TAFA1: variants seen among roughly 807,000 people sequenced by gnomAD.
TAFA1 encodes TAFA chemokine like family member 1.
A neutral mutation model predicts 18.5 loss-of-function variants in TAFA1; 4 were observed. That is an observed-to-expected ratio of 0.22 (90% CI 0.11 to 0.49). TAFA1 has a LOEUF of 0.49. TAFA1 is among the 20% of genes least tolerant of loss of function. The pLI, the probability that TAFA1 is intolerant of heterozygous loss-of-function variation, is 0.98. For missense variants in TAFA1, 147 were observed against 169.0 expected (o/e 0.87, Z 0.72); for synonymous variants, 56 against 55.2 (o/e 1.01, Z -0.06).
chr3:68,452,522 C>CA (rs10663334), intron 3 of TAFA1, among the ~76,000 whole-genome samples: 44,717 of 113,232 alleles, frequency 0.39, 9,147 homozygotes, highest in Middle Eastern at 0.44. Context: ...AACTCTCTCT[C>CA]AAAAAAAAAA....
intron 3 of TAFA1, among the ~76,000 whole-genome samples, chr3:68,436,508 T>TA (rs1198690509): frequency 6.6e-6 from 1 of 152,000 alleles, no homozygotes; most frequent in Admixed American, 6.6e-5. Flanking sequence ...GAGTAATAGG[T>TA]AAAAAACTTA....
chr3:68,377,881 T>C (rs904716701), intron 2 of TAFA1, among the ~76,000 whole-genome samples: 2 of 152,192 alleles, frequency 1.3e-5, no homozygotes, highest in African/African-American at 4.8e-5. Context: ...ACTCGGCCTG[T>C]TGCTTCAGAG....
chr3:68,333,385 A>C (rs2068914442), intron 2 of TAFA1, among the ~76,000 whole-genome samples: 1 of 152,210 alleles, frequency 6.6e-6, no homozygotes, highest in Non-Finnish European at 1.5e-5. Context: ...TAACACAGAA[A>C]CAGAAAACCA....
intron 2 of TAFA1, among the ~76,000 whole-genome samples, chr3:68,383,103 C>A (rs114839731): frequency 8.1e-4 from 123 of 152,258 alleles, no homozygotes; most frequent in Non-Finnish European, 1.6e-3. Context: ...AGCCTTTGGG[C>A]TGAGACTATA....
intron 2 of TAFA1, among the ~76,000 whole-genome samples, chr3:68,270,489 T>A (rs1056421130): frequency 6.6e-6 from 1 of 152,194 alleles, no homozygotes; most frequent in Admixed American, 6.5e-5. Flanking sequence ...ATGTGAAGAC[T>A]CATTGATGTT....
rs540948024 is a variant in TAFA1 at position 68,025,944 on chromosome 3, G to A, written c.118+19200G>A. Among the ~76,000 whole-genome samples, 18 of 152,290 alleles carry A rather than the reference G, an allele frequency of 1.2e-4. No homozygotes were observed. The East Asian group carries it at 3.3e-3, about 28-fold the overall frequency. On this transcript the variant is annotated intron_variant, in intron 2 of 4. Transcript: ENST00000478136. Reference sequence around the variant, plus strand: ...CTTGTCTCCCTCCACAGGAATGTAAGTTCCACGAAGGCAGGGATTGTCATC... The same window carrying A: ...CTTGTCTCCCTCCACAGGAATGTAAATTCCACGAAGGCAGGGATTGTCATC...
chr3:68,481,758 A>C lies in TAFA1; in HGVS notation c.260-56998A>C, dbSNP rs542627872. Among the ~76,000 whole-genome samples, 6 of 152,308 alleles carry C rather than the reference A, an allele frequency of 3.9e-5. No homozygotes were observed. In the South Asian group the frequency reaches 1.2e-3, roughly 32 times the overall value. ...TTTAATTGGTCTAAGTTTTTGATCA[A>C]TAATTTAGAGATTTGTCTCTAAATC... On this transcript the variant is annotated intron_variant, in intron 3 of 4. Transcript: ENST00000478136.
intron 3 of TAFA1, among the ~76,000 whole-genome samples, chr3:68,509,379 G>A (rs184379580): frequency 9.5e-4 from 144 of 152,200 alleles, no homozygotes; most frequent in African/African-American, 3.2e-3. Flanking sequence ...CAAGATTTCC[G>A]TCATGGTCTT....
chr3:68,309,251 TTC>T (rs1316616607), intron 2 of TAFA1, among the ~76,000 whole-genome samples: 3 of 152,202 alleles, frequency 2.0e-5, no homozygotes, highest in Non-Finnish European at 4.4e-5. Context: ...AAGACATATT[TTC>T]TGAATACAAT....
intron 2 of TAFA1, chr3:68,250,686 A>T (rs1466754375): frequency 6.6e-6 from 1 of 152,114 alleles, no homozygotes; most frequent in Non-Finnish European, 1.5e-5. Context: ...GGCAGAACAA[A>T]AATTACTTGA....
At chr3:68,168,992 A>C (rs1260731484) in intron 2 of TAFA1, among the ~76,000 whole-genome samples, 1 of 152,172 alleles carries the variant, frequency 6.6e-6, no homozygotes, top group Non-Finnish European at 1.5e-5. Context: ...TAAATTTGCT[A>C]TTCTTTAAGG....
chr3:68,358,907 A>G (rs923484665), intron 2 of TAFA1, among the ~76,000 whole-genome samples: 6 of 147,606 alleles, frequency 4.1e-5, no homozygotes, highest in African/African-American at 7.5e-5. Context: ...TAAGAAGTTT[A>G]ATCCCACCTA....
intron 2 of TAFA1, among the ~76,000 whole-genome samples, chr3:68,278,639 A>G (rs1477617163): frequency 6.6e-6 from 1 of 152,078 alleles, no homozygotes; most frequent in Non-Finnish European, 1.5e-5. Flanking sequence ...TACTTGATCA[A>G]TATATCTTTT....
At chr3:68,473,126 A>G (rs182716537) in intron 3 of TAFA1, among the ~76,000 whole-genome samples, 1 of 152,336 alleles carries the variant, frequency 6.6e-6, no homozygotes, top group African/African-American at 2.4e-5. Flanking sequence ...AGCACTGCCC[A>G]TTACCTCAGC....
chr3:68,230,351 A>G (rs915704573), intron 2 of TAFA1, among the ~76,000 whole-genome samples: 4 of 151,748 alleles, frequency 2.6e-5, no homozygotes, highest in Non-Finnish European at 5.9e-5. Flanking sequence ...AATCCCACAT[A>G]TAAGTGAAAA....
In TAFA1 at chr3:68,008,974, CT is replaced by C. The variant is rs1186228968; in HGVS notation, c.118+2234del. Among the ~76,000 whole-genome samples the C allele has an allele frequency of 3.9e-5, 6 of 152,136 alleles. No individual in the cohort carries two copies. The East Asian group carries it at 9.6e-4, about 24-fold the overall frequency. Reference sequence around the variant, plus strand: ...ATAATAAAAATAACTTCGAATAAGTCTTTTGTAAGCTGTAAAGTTCTTCACA... The same window carrying C: ...ATAATAAAAATAACTTCGAATAAGTCTTTGTAAGCTGTAAAGTTCTTCACA... On this transcript the variant is annotated intron_variant, in intron 2 of 4. Coordinates refer to ENST00000478136, the MANE Select transcript of TAFA1 (RefSeq NM_213609.4).
chr3:68,088,068 A>C (rs1323525171), intron 2 of TAFA1, among the ~76,000 whole-genome samples: 1 of 152,146 alleles, frequency 6.6e-6, no homozygotes, highest in Non-Finnish European at 1.5e-5. Context: ...AACAACATTT[A>C]TTTTTGCTGA....
At chr3:67,991,806 T>C in the TAFA1 span, among the ~76,000 whole-genome samples, 2 of 152,218 alleles carry the variant, frequency 1.3e-5, no homozygotes, top group African/African-American at 4.8e-5. Context: ...CATAATTATG[T>C]GAGCCAATTC....
chr3:68,463,665 A>C (rs2071827377), intron 3 of TAFA1, among the ~76,000 whole-genome samples: 1 of 152,202 alleles, frequency 6.6e-6, no homozygotes, highest in Non-Finnish European at 1.5e-5. Context: ...AATAGTGAGC[A>C]TGTCCACATA....
Sources: gnomAD v4.1 joint callset for allele counts (sites outside exome capture counted in the v4.1 genomes callset) on GRCh38, gnomAD v4.1.1 for gene constraint, MANE v1.5 for transcripts, NCBI Gene and HGNC (gene_info 2026-07-23, HGNC 2026-07-21) for gene names.